BCL2L11: variants seen among roughly 807,000 people sequenced by gnomAD.
The protein encoded by BCL2L11 is BCL2 like 11, also known as bcl-2-like protein 11.
BCL2L11 carries 15 observed loss-of-function variants against 20.6 expected under a neutral mutation model. The observed-to-expected ratio is 0.73, with a 90% confidence interval of 0.49 to 1.12. The LOEUF is 1.12. BCL2L11 is among the 50% of genes most tolerant of loss of function. The probability of loss-of-function intolerance (pLI) is 0.00; values close to 1 mark genes in which losing one functional copy is unlikely to be tolerated. For synonymous variants in BCL2L11, 108 were observed against 92.8 expected, an observed-to-expected ratio of 1.16 and a Z score of -0.94; for missense variants, 292 against 260.9, an observed-to-expected ratio of 1.12 and a Z score of -0.82.
At chr2:111,144,543 AGG>A (rs1367844647) in intron 2 of BCL2L11, 19 of 1,549,908 alleles carry the variant, frequency 1.2e-5, no homozygotes, top group Non-Finnish European at 1.7e-5. Flanking sequence ...AGGAAACATA[AGG>A]GGGCTGGTCT....
At position 111,167,483 on chromosome 2, in the gene BCL2L11, T is replaced by G. The variant is rs1222449939; in HGVS notation, c.*3252T>G. 6.6e-6 allele frequency: 1 copy of G among 152,276 alleles called. No individual in the cohort carries two copies. The highest frequency in any genetic ancestry group is 1.5e-5 in the Non-Finnish European group (1 of 68,042). 9.4% of individuals were successfully genotyped at this position (152,276 alleles called of 1,614,324 possible). A position where few individuals can be genotyped will look rare whatever the true frequency, so the allele number is the denominator to read the frequency against. ...TTAGGAAAACAAAAAAACCAAAGTATTATCAGCAGGTGGGAAAGATTTTTC... is the reference window on the plus strand; with the variant it reads ...TTAGGAAAACAAAAAAACCAAAGTAGTATCAGCAGGTGGGAAAGATTTTTC... On this transcript the variant is annotated 3_prime_UTR_variant, in exon 4 of 4. Coordinates refer to ENST00000393256, the MANE Select transcript of BCL2L11 (RefSeq NM_138621.5).
chr2:111,125,932 A>G (rs191891326), intron 2 of BCL2L11, among the ~76,000 whole-genome samples: 1 of 152,276 alleles, frequency 6.6e-6, no homozygotes, highest in African/African-American at 2.4e-5. Context: ...CTCGCTTACT[A>G]TAACATCCTT....
intron 2 of BCL2L11, among the ~76,000 whole-genome samples, chr2:111,144,801 G>T (rs891166091): frequency 6.6e-6 from 1 of 152,140 alleles, no homozygotes; most frequent in African/African-American, 2.4e-5. Context: ...GCCCTTTACA[G>T]GATCCTTTAT....
Position 111,156,160 on chromosome 2 carries a change from C to T in BCL2L11, c.498+6013C>T, listed in dbSNP as rs939561418. Among the ~76,000 whole-genome samples, 4 of 151,796 alleles carry T rather than the reference C, an allele frequency of 2.6e-5. No individual in the cohort carries two copies. In the East Asian group the frequency reaches 5.8e-4, roughly 22 times the overall value. On this transcript the variant is annotated intron_variant, in intron 3 of 3. Transcript: ENST00000393256. ...TGCACAAACTGAACACAAACCCAAA[C>T]GTGTGTTCTCAGCGTACTTTGGAGG...
At chr2:111,163,460 A>G (rs146432330) in intron 3 of BCL2L11, 1 of 152,496 alleles carries the variant, frequency 6.6e-6, no homozygotes, top group East Asian at 1.9e-4. Context: ...AAAGCATTGG[A>G]TAAGCTGGTG....
intron 3 of BCL2L11, among the ~76,000 whole-genome samples, chr2:111,153,624 G>A (rs2077496359): frequency 6.6e-6 from 1 of 152,260 alleles, no homozygotes; most frequent in African/African-American, 2.4e-5. Flanking sequence ...TGGCAAGCGA[G>A]TGTATCTCAC....
intron 2 of BCL2L11, among the ~76,000 whole-genome samples, chr2:111,140,974 G>T (rs1284000549): frequency 3.9e-5 from 6 of 152,194 alleles, no homozygotes; most frequent in African/African-American, 1.4e-4. Flanking sequence ...ACTGTACAAG[G>T]TGTTGACTCA....
intron 2 of BCL2L11, among the ~76,000 whole-genome samples, chr2:111,147,346 T>TCTCTCTCACACACACA (rs760779894): frequency 2.2e-5 from 3 of 137,414 alleles, no homozygotes; most frequent in African/African-American, 8.6e-5. Context: ...TCTCTCTCTC[T>TCTCTCTCACACACACA]CACACACACA....
intron 3 of BCL2L11, 87 bp downstream of exon 3, chr2:111,150,234 C>A: frequency 6.5e-7 from 1 of 1,533,578 alleles, no homozygotes; most frequent in Non-Finnish European, 8.8e-7. Flanking sequence ...CTTCTTGTAA[C>A]TACATGCTAA....
chr2:111,137,581 T>C (rs2075117228), intron 2 of BCL2L11, among the ~76,000 whole-genome samples: 1 of 151,438 alleles, frequency 6.6e-6, no homozygotes, highest in Non-Finnish European at 1.5e-5. Context: ...GCCACCCACA[T>C]CTCAGACCCT....
Position 111,124,168 on chromosome 2 carries a change from G to A in BCL2L11, c.394+29G>A, listed in dbSNP as rs367610861. On this transcript the variant is annotated intron_variant, in intron 2 of 3. Coordinates refer to ENST00000393256, the MANE Select transcript of BCL2L11 (RefSeq NM_138621.5). ...AGCAATGCCTGGGTAAGAGGCAGTT[G>A]ACGTGTGGATGGTTGAATCTGCTTG... 26 of 1,571,640 alleles carry A rather than the reference G, an allele frequency of 1.7e-5. No individual in the cohort carries two copies. In the African/African-American group the frequency reaches 3.3e-4, roughly 20 times the overall value.
Position 111,165,733 on chromosome 2 carries a change from G to C in BCL2L11, c.*1502G>C, listed in dbSNP as rs368175038. The C allele has an allele frequency of 6.6e-6, 1 of 152,046 alleles. No individual in the cohort carries two copies. Among genetic ancestry groups the C allele is most frequent in the Admixed American group, 6.6e-5 (1 of 15,252 alleles). 9.4% of individuals were successfully genotyped at this position (152,046 alleles called of 1,614,324 possible). A position where few individuals can be genotyped will look rare whatever the true frequency, so the allele number is the denominator to read the frequency against. The stretch of plus-strand genomic sequence containing the variant: ...GAGGGAAGACAATTCTGTGAACTCT[G>C]TAACTCTTAAAATTTTTGAAAACTC... On this transcript the variant is annotated 3_prime_UTR_variant, in exon 4 of 4. Transcript: ENST00000393256.
intron 1 of BCL2L11, chr2:111,123,105 TTCTG>T: frequency 1.0e-5 from 10 of 978,156 alleles, no homozygotes; most frequent in Non-Finnish European, 1.2e-5. Context: ...CTCAGAGAAG[TTCTG>T]TCTGATTCGG....
At chr2:111,134,778 CGGAAGATA>C (rs2074563290) in intron 2 of BCL2L11, among the ~76,000 whole-genome samples, 1 of 152,202 alleles carries the variant, frequency 6.6e-6, no homozygotes, top group South Asian at 2.1e-4. Context: ...GATATCTTCA[CGGAAGATA>C]GAATTCGCAG....
At chr2:111,146,064 C>T in intron 2 of BCL2L11, 3 of 984,440 alleles carry the variant, frequency 3.0e-6, no homozygotes, top group Non-Finnish European at 3.6e-6. Context: ...ACCTCAAGAG[C>T]AGTTTATATT....
rs1575002613 is a variant in BCL2L11, at chr2:111,135,715, T to C, written c.394+11576T>C. On this transcript the variant is annotated intron_variant, in intron 2 of 3. Coordinates refer to ENST00000393256, the MANE Select transcript of BCL2L11 (RefSeq NM_138621.5). ...CCAAGGCTGGGGCTGGGAGAGCCGA[T>C]GGGCCCATGAACCCTGTTTTGCACT... 2.0e-5 allele frequency among the ~76,000 whole-genome samples: 3 copies of C among 152,248 alleles called. No individual in the cohort carries two copies. The East Asian group carries it at 5.8e-4, about 29-fold the overall frequency.
intron 2 of BCL2L11, among the ~76,000 whole-genome samples, chr2:111,134,442 T>A (rs539446305): frequency 2.6e-5 from 4 of 152,320 alleles, no homozygotes; most frequent in African/African-American, 9.6e-5. Flanking sequence ...GAAACCTTAC[T>A]TTTCTTTAGG....
intron 3 of BCL2L11, among the ~76,000 whole-genome samples, chr2:111,162,578 G>A (rs539902227): frequency 7.3e-4 from 111 of 152,200 alleles, no homozygotes; most frequent in Non-Finnish European, 1.4e-3. Flanking sequence ...TGCCAGTGCT[G>A]GAATATGAAA....
intron 2 of BCL2L11, among the ~76,000 whole-genome samples, chr2:111,125,966 C>G (rs1351184489): frequency 6.6e-6 from 1 of 152,138 alleles, no homozygotes; most frequent in Non-Finnish European, 1.5e-5. Flanking sequence ...GTTAACAGGG[C>G]TTTATGGTGT....
Sources: gnomAD v4.1 joint callset for allele counts (sites outside exome capture counted in the v4.1 genomes callset) on GRCh38, gnomAD v4.1.1 for gene constraint, MANE v1.5 for transcripts, NCBI Gene and HGNC (gene_info 2026-07-23, HGNC 2026-07-21) for gene names.